The following TMOD1 variants were observed in gnomAD, a reference collection of about 807,000 sequenced individuals.
TMOD1 encodes the protein tropomodulin-1.
A neutral mutation model predicts 40.6 loss-of-function variants in TMOD1; 17 were observed. The ratio of observed to expected loss-of-function variants is 0.42; its 90% CI spans 0.29 to 0.63. The LOEUF (loss-of-function observed/expected upper bound fraction) is 0.63, where lower values mean the gene tolerates loss of function less well. Ranked by LOEUF, TMOD1 falls within the 20% of genes least tolerant of loss-of-function variation. The probability of loss-of-function intolerance (pLI) is 0.22; values close to 1 mark genes in which losing one functional copy is unlikely to be tolerated. For synonymous variants in TMOD1, 181 were observed against 175.0 expected, an observed-to-expected ratio of 1.03 and a Z score of -0.27; for missense variants, 391 against 447.6, an observed-to-expected ratio of 0.87 and a Z score of 1.14.
intron 1 of TMOD1, among the ~76,000 whole-genome samples, chr9:97,517,016 G>A (rs76336565): frequency 0.011 from 1,691 of 152,212 alleles, 16 homozygotes; most frequent in Middle Eastern, 0.031. Flanking sequence ...AATTTGAAAA[G>A]CAACTATAAC....
At chr9:97,505,902 T>C (rs1003663887) in intron 1 of TMOD1, among the ~76,000 whole-genome samples, 1 of 152,202 alleles carries the variant, frequency 6.6e-6, no homozygotes, top group Non-Finnish European at 1.5e-5. Flanking sequence ...CCTTCTTCCA[T>C]GCTGCTCTTA....
intron 2 of TMOD1, among the ~76,000 whole-genome samples, chr9:97,534,102 C>A (rs1361133302): frequency 6.6e-6 from 1 of 152,208 alleles, no homozygotes; most frequent in East Asian, 1.9e-4. Context: ...CCAGAAATTG[C>A]CACTGGACAT....
chr9:97,561,581 T>G (rs1474678715), intron 4 of TMOD1, among the ~76,000 whole-genome samples: 2 of 152,176 alleles, frequency 1.3e-5, no homozygotes, highest in African/African-American at 4.8e-5. Flanking sequence ...ATGTGCTCAG[T>G]GAGAGGGGTG....
At position 97,524,497 on chromosome 9, in the gene TMOD1, G is replaced by GGGGTGTGTGT. The variant is rs561183211; in HGVS notation, c.120+190_120+191insGGTGTGTGTG. On this transcript the variant is annotated intron_variant, in intron 2 of 9. Coordinates refer to ENST00000259365, the MANE Select transcript of TMOD1 (RefSeq NM_003275.4). ...CTCCAGAGAAAGAGAGAACCAATAGGGTGTGTGTGTGTGTGTGTGTGTGTA... is the reference window on the plus strand; with the variant it reads ...CTCCAGAGAAAGAGAGAACCAATAGGGGGTGTGTGTGTGTGTGTGTGTGTGTGTGTGTGTA... Among the ~76,000 whole-genome samples the GGGGTGTGTGT allele has an allele frequency of 7.0e-4, 100 of 143,024 alleles. 2 individuals are homozygous for GGGGTGTGTGT. The East Asian group carries it at 8.6e-3, about 12-fold the overall frequency. 93.8% of individuals were successfully genotyped at this position (143,024 alleles called of 152,430 possible). A position where few individuals can be genotyped will look rare whatever the true frequency, so the allele number is the denominator to read the frequency against.
intron 4 of TMOD1, among the ~76,000 whole-genome samples, chr9:97,559,973 T>C (rs1368781621): frequency 6.6e-6 from 1 of 150,384 alleles, no homozygotes; most frequent in Non-Finnish European, 1.5e-5. Flanking sequence ...CAAGCCCTCA[T>C]TGGAAAGAGA....
rs1210288961 is a variant in TMOD1, at chr9:97,601,096, C to T, written c.*1398C>T. On this transcript the variant is annotated 3_prime_UTR_variant, in exon 10 of 10. Coordinates refer to ENST00000259365, the MANE Select transcript of TMOD1 (RefSeq NM_003275.4). ...ACTGGAGGCGGGGCCAGGGCCTCAGCGCTATGGAAGAGTGTCCACTGAGGC... is the reference window on the plus strand; with the variant it reads ...ACTGGAGGCGGGGCCAGGGCCTCAGTGCTATGGAAGAGTGTCCACTGAGGC... 6 of 1,304,286 alleles carry T rather than the reference C, an allele frequency of 4.6e-6. No homozygotes were observed. The highest frequency in any genetic ancestry group is 2.3e-5 in the Admixed American group (1 of 43,564). 80.8% of individuals were successfully genotyped at this position (1,304,286 alleles called of 1,614,324 possible). A position where few individuals can be genotyped will look rare whatever the true frequency, so the allele number is the denominator to read the frequency against.
chr9:97,530,787 C>CTTTT (rs57086657), intron 2 of TMOD1, among the ~76,000 whole-genome samples: 12 of 90,888 alleles, frequency 1.3e-4, no homozygotes, highest in African/African-American at 1.4e-4. Context: ...CCGGGCCCGG[C>CTTTT]TTTTTTTTTT....
chr9:97,519,968 A>T (rs1829889914), intron 1 of TMOD1, among the ~76,000 whole-genome samples: 1 of 152,232 alleles, frequency 6.6e-6, no homozygotes, highest in Non-Finnish European at 1.5e-5. Context: ...GAGTACGGTT[A>T]GCCTCTCACT....
At chr9:97,555,512 C>T in intron 4 of TMOD1, 1 of 1,448,148 alleles carries the variant, frequency 6.9e-7, no homozygotes, top group Non-Finnish European at 9.1e-7. Context: ...TTTTTGTTGG[C>T]GTGGCTATTT....
chr9:97,562,419 A>G (rs914197755), intron 4 of TMOD1, among the ~76,000 whole-genome samples: 1 of 152,104 alleles, frequency 6.6e-6, no homozygotes. Context: ...GGATGACAAG[A>G]TGGAAAGAGA....
chr9:97,522,721 C>T (rs1202970502), intron 1 of TMOD1, among the ~76,000 whole-genome samples: 1 of 152,080 alleles, frequency 6.6e-6, no homozygotes, highest in Non-Finnish European at 1.5e-5. Context: ...CACGACCACA[C>T]CCAGCTAATT....
chr9:97,535,586 G>A (rs547585254), intron 2 of TMOD1, among the ~76,000 whole-genome samples: 4 of 152,262 alleles, frequency 2.6e-5, no homozygotes, highest in Non-Finnish European at 4.4e-5. Context: ...GGATCGTACC[G>A]TCATTGTCTC....
chr9:97,595,133 T>C (rs1431188888), intron 9 of TMOD1, among the ~76,000 whole-genome samples: 1 of 152,248 alleles, frequency 6.6e-6, no homozygotes, highest in Non-Finnish European at 1.5e-5. Flanking sequence ...TGTATATATT[T>C]ATGTGATACA....
At chr9:97,532,157 A>G (rs1830111635) in intron 2 of TMOD1, among the ~76,000 whole-genome samples, 1 of 152,240 alleles carries the variant, frequency 6.6e-6, no homozygotes, top group Non-Finnish European at 1.5e-5. Context: ...AAACAGTTGA[A>G]ATGGAAAGAA....
intron 8 of TMOD1, among the ~76,000 whole-genome samples, chr9:97,585,764 A>G (rs1305335645): frequency 2.2e-5 from 3 of 136,062 alleles, no homozygotes; most frequent in Non-Finnish European, 3.1e-5. Context: ...TTCATCTTCC[A>G]TTGCTGATAC....
chr9:97,587,679 T>G (rs1462872828), intron 8 of TMOD1, among the ~76,000 whole-genome samples: 1 of 152,174 alleles, frequency 6.6e-6, no homozygotes, highest in African/African-American at 2.4e-5. Context: ...TCTGCAACCA[T>G]CACCACTATC....
intron 8 of TMOD1, among the ~76,000 whole-genome samples, chr9:97,582,340 T>G (rs1825776529): frequency 1.4e-5 from 2 of 145,102 alleles, no homozygotes. Context: ...GAGGGCTCTG[T>G]TCTGTTCCAT....
At chr9:97,541,259 C>T (rs1245216701) in intron 2 of TMOD1, among the ~76,000 whole-genome samples, 1 of 152,196 alleles carries the variant, frequency 6.6e-6, no homozygotes. Flanking sequence ...ACAATCTCAG[C>T]TCACTGCAAT....
rs1830687800 is a variant in TMOD1 at position 97,564,091 on chromosome 9, A to G, written c.541A>G (p.Thr181Ala). 3.1e-6 allele frequency: 5 copies of G among 1,614,182 alleles called. No homozygotes were observed. Among genetic ancestry groups the G allele is most frequent in the Non-Finnish European group, 8.5e-7 (1 of 1,180,022 alleles). Residue 181 changes from threonine (T) to alanine (A), a missense_variant, in exon 6 of 10, where the codon ACA becomes GCA. Thr to Ala is a moderately conservative substitution (Grantham distance 58). Coordinates refer to ENST00000259365, the MANE Select transcript of TMOD1 (RefSeq NM_003275.4). Reference protein sequence around the residue: ...KPVPDEEPNSTDVEETLERIK... With the variant: ...KPVPDEEPNSADVEETLERIK... ...TGTGCCCGACGAAGAACCAAATTCAACAGACGTAGAGGAAACGCTGGAACG... is the reference window on the plus strand; with the variant it reads ...TGTGCCCGACGAAGAACCAAATTCAGCAGACGTAGAGGAAACGCTGGAACG...
Sources: gnomAD v4.1 joint callset for allele counts (sites outside exome capture counted in the v4.1 genomes callset) on GRCh38, gnomAD v4.1.1 for gene constraint, MANE v1.5 for transcripts, NCBI Gene and HGNC (gene_info 2026-07-23, HGNC 2026-07-21) for gene names.